The following ARHGAP15 variants were observed in gnomAD, a reference collection of about 807,000 sequenced individuals.
ARHGAP15 encodes rho GTPase-activating protein 15.
A neutral mutation model predicts 63.7 loss-of-function variants in ARHGAP15; 51 were observed. The observed-to-expected ratio is 0.80, with a 90% CI of 0.64 to 1.01. The LOEUF is 1.01. Ranked by LOEUF, ARHGAP15 falls within the 50% of genes least tolerant of loss-of-function variation. The pLI is 0.00. For missense variants in ARHGAP15, 560 were observed against 564.6 expected (o/e 0.99, Z 0.08); for synonymous variants, 191 against 193.8 (o/e 0.99, Z 0.12).
rs1687219298 is a variant in ARHGAP15 at position 143,385,024 on chromosome 2, A to G, written c.475-50577A>G. On this transcript the variant is annotated intron_variant, in intron 6 of 13. Transcript: ENST00000295095. ...CACTTGATAGAAGCCCTAGGCTACC[A>G]TTTTATTTTACCTAGAGAGAAGCTT... Among the ~76,000 whole-genome samples the G allele has an allele frequency of 2.0e-5, 3 of 152,304 alleles. No homozygotes were observed. The South Asian group carries it at 6.2e-4, about 32-fold the overall frequency.
intron 13 of ARHGAP15, among the ~76,000 whole-genome samples, chr2:143,748,029 G>A (rs999198044): frequency 6.6e-5 from 10 of 152,118 alleles, no homozygotes; most frequent in Admixed American, 2.0e-4. Flanking sequence ...CTTAGGCAAC[G>A]TGAGAGCAAT....
chr2:143,597,856 A>G (rs1177879328), intron 11 of ARHGAP15: 1 of 152,158 alleles, frequency 6.6e-6, no homozygotes, highest in African/African-American at 2.4e-5. Context: ...GCAGAAGTTT[A>G]TTCCCTCACA....
intron 1 of ARHGAP15, among the ~76,000 whole-genome samples, chr2:143,134,163 C>T (rs1218785713): frequency 7.9e-6 from 1 of 126,102 alleles, no homozygotes; most frequent in Non-Finnish European, 1.7e-5. Flanking sequence ...ACCTATCTAT[C>T]TATCATCTAT....
At chr2:143,616,227 A>G (rs1698445205) in intron 11 of ARHGAP15, among the ~76,000 whole-genome samples, 1 of 152,214 alleles carries the variant, frequency 6.6e-6, no homozygotes, top group Non-Finnish European at 1.5e-5. Context: ...ATTATAAATT[A>G]AAAATGCACA....
At chr2:143,763,748 GTA>G (rs1355851903) in intron 13 of ARHGAP15, among the ~76,000 whole-genome samples, 1 of 146,398 alleles carries the variant, frequency 6.8e-6, no homozygotes, top group Admixed American at 6.8e-5. Context: ...GTATGTATAT[GTA>G]TATGTATGTA....
chr2:143,157,436 G>A (rs1349474444), intron 2 of ARHGAP15, among the ~76,000 whole-genome samples: 1 of 151,740 alleles, frequency 6.6e-6, no homozygotes, highest in Non-Finnish European at 1.5e-5. Flanking sequence ...ACTTTAGTTT[G>A]GGGGGTTGTA....
chr2:143,139,438 A>T (rs754055639), intron 1 of ARHGAP15, among the ~76,000 whole-genome samples: 1 of 152,096 alleles, frequency 6.6e-6, no homozygotes, highest in African/African-American at 2.4e-5. Flanking sequence ...AAAGAGTCTC[A>T]GGCTTTTATA....
intron 4 of ARHGAP15, among the ~76,000 whole-genome samples, chr2:143,219,999 G>T (rs12475800): frequency 0.28 from 42,465 of 151,992 alleles, 6,831 homozygotes; most frequent in East Asian, 0.46. Flanking sequence ...TATGGGGCTT[G>T]TTTTGTTTTT....
chr2:143,187,395 G>A (rs1460457339), intron 2 of ARHGAP15, among the ~76,000 whole-genome samples: 1 of 152,080 alleles, frequency 6.6e-6, no homozygotes, highest in Admixed American at 6.5e-5. Context: ...AGAGCAGAAG[G>A]GTATGGCCTC....
chr2:143,522,812 A>G (rs1398593577), intron 10 of ARHGAP15, among the ~76,000 whole-genome samples: 1 of 152,190 alleles, frequency 6.6e-6, no homozygotes, highest in African/African-American at 2.4e-5. Context: ...AGAGGAAGGC[A>G]TTGTGACATA....
intron 6 of ARHGAP15, among the ~76,000 whole-genome samples, chr2:143,372,985 A>T (rs1686626504): frequency 5.7e-5 from 2 of 35,124 alleles, no homozygotes; most frequent in African/African-American, 2.1e-4. Context: ...CTCTCCTCTT[A>T]AAAAAAAAAA....
chr2:143,636,573 C>T (rs1411786488), intron 12 of ARHGAP15, among the ~76,000 whole-genome samples: 3 of 152,116 alleles, frequency 2.0e-5, no homozygotes, highest in Non-Finnish European at 2.9e-5. Flanking sequence ...GAAAGACAAG[C>T]CAGAGCACAA....
intron 12 of ARHGAP15, among the ~76,000 whole-genome samples, chr2:143,672,297 GA>G (rs1279425788): frequency 2.0e-5 from 3 of 151,692 alleles, no homozygotes; most frequent in African/African-American, 4.8e-5. Context: ...TCTCAGATAT[GA>G]AAAAAAATCT....
intron 6 of ARHGAP15, among the ~76,000 whole-genome samples, chr2:143,265,028 A>G (rs550973052): frequency 6.6e-6 from 1 of 152,318 alleles, no homozygotes; most frequent in Non-Finnish European, 1.5e-5. Context: ...ACACGGAATC[A>G]TACCAGAGTC....
At chr2:143,743,350 G>A (rs552790135) in intron 13 of ARHGAP15, among the ~76,000 whole-genome samples, 4 of 152,238 alleles carry the variant, frequency 2.6e-5, no homozygotes, top group East Asian at 3.9e-4. Context: ...TTTAGAAGGG[G>A]GCTTCCCAGA....
chr2:143,308,200 A>G (rs1008818638), intron 6 of ARHGAP15, among the ~76,000 whole-genome samples: 1 of 152,146 alleles, frequency 6.6e-6, no homozygotes, highest in African/African-American at 2.4e-5. Context: ...TTCAATAAAA[A>G]TAGAATACCA....
intron 11 of ARHGAP15, chr2:143,608,394 G>C (rs1698120782): frequency 6.6e-6 from 1 of 152,054 alleles, no homozygotes; most frequent in Admixed American, 6.6e-5. Flanking sequence ...TTTTCTACTA[G>C]AAATATTGTC....
At chr2:143,573,474 C>T (rs951720429) in intron 11 of ARHGAP15, among the ~76,000 whole-genome samples, 8 of 151,978 alleles carry the variant, frequency 5.3e-5, no homozygotes, top group South Asian at 2.1e-4. Flanking sequence ...AAGAAAATGC[C>T]GACTTGATTA....
At chr2:143,390,730 T>G (rs1687500868) in intron 6 of ARHGAP15, among the ~76,000 whole-genome samples, 1 of 37,522 alleles carries the variant, frequency 2.7e-5, no homozygotes, top group African/African-American at 8.1e-5. Flanking sequence ...GGAAAACACA[T>G]GCACACACAC....
Sources: allele counts gnomAD v4.1 joint callset (sites outside exome capture counted in the v4.1 genomes callset), GRCh38; gene constraint gnomAD v4.1.1; transcripts MANE v1.5; gene names NCBI Gene and HGNC (gene_info 2026-07-23, HGNC 2026-07-21).